Variants in ZNF831 observed in about 807,000 individuals in gnomAD.
ZNF831 encodes zinc finger protein 831, also known as chromosome 20 open reading frame 174.
A neutral mutation model predicts 95.8 loss-of-function variants in ZNF831; 59 were observed. The observed-to-expected ratio is 0.62, with a 90% CI of 0.50 to 0.77. ZNF831 has a LOEUF of 0.77. ZNF831 is among the 30% of genes least tolerant of loss of function. The pLI, the probability that ZNF831 is intolerant of heterozygous loss-of-function variation, is 0.00. For missense variants in ZNF831, 2,205 were observed against 2,164.0 expected, an observed-to-expected ratio of 1.02 and a Z score of -0.38; for synonymous variants, 961 against 925.5, an observed-to-expected ratio of 1.04 and a Z score of -0.70.
At chr20:59,250,786 T>C (rs1015456188) in intron 4 of ZNF831, among the ~76,000 whole-genome samples, 1 of 151,928 alleles carries the variant, frequency 6.6e-6, no homozygotes, top group African/African-American at 2.4e-5. Context: ...AAATAGAAAC[T>C]CATTGGAATA....
Position 59,254,277 on chromosome 20 carries a change from C to T in ZNF831, c.4568C>T (p.Thr1523Ile), listed in dbSNP as rs745846346. The change falls in exon 6 of 6, where the codon ACT becomes ATT. Residue 1523 changes from threonine (T) to isoleucine (I), a missense_variant. Coordinates refer to ENST00000371030, the MANE Select transcript of ZNF831 (RefSeq NM_178457.3). This position sits in a 1 kb window ranked among gnomAD's most constrained non-coding sequence, Gnocchi z 4.5. Reference protein sequence around the residue: ...SRDHSQTAGRTLTSSSPDSKV... With the variant: ...SRDHSQTAGRILTSSSPDSKV... ...GACCACAGCCAGACTGCAGGGAGGA[C>T]TCTGACATCAAGCTCCCCAGACAGC... 4.6e-5 allele frequency: 75 copies of T among 1,613,992 alleles called. No homozygotes were observed. In the South Asian group the frequency reaches 6.1e-4, roughly 13 times the overall value.
In ZNF831 at chr20:59,150,077, C is replaced by T. The variant is rs60627375; in HGVS notation, c.-1281+3703C>T. Among the ~76,000 whole-genome samples the T allele has an allele frequency of 2.0e-3, 301 of 152,344 alleles. 2 individuals carry two copies. The East Asian group carries it at 0.031, about 16-fold the overall frequency. ...CACACATACCCTTTGCCACAGGAAA[C>T]GTGGCCTCACGTTCACAATGGTAAC... On this transcript the variant is annotated intron_variant, in intron 2 of 7. Transcript: ENST00000637017.
intron 1 of ZNF831, among the ~76,000 whole-genome samples, chr20:59,127,928 A>G (rs935242765): frequency 7.9e-5 from 12 of 152,350 alleles, no homozygotes; most frequent in Non-Finnish European, 1.3e-4. Flanking sequence ...GGCAGTGCCC[A>G]TATGGTGTGC....
chr20:59,193,350 GC>G lies in ZNF831; in HGVS notation c.2333del (p.Pro778GlnfsTer29). 6.2e-7 allele frequency: 1 copy of G among 1,610,982 alleles called. No homozygotes were observed. Among genetic ancestry groups the G allele is most frequent in the Non-Finnish European group, 8.5e-7 (1 of 1,178,580 alleles). Reference protein sequence around the residue: ...LKGGDVEAPRPVWPDPKLEGG... With the variant: ...LKGGDVEAPRXVWPDPKLEGG... ...AAGGGGGTGATGTAGAGGCTCCCAG[GC>G]CAGTTTGGCCGGACCCCAAGCTGGA... On this transcript the variant is annotated frameshift_variant, in exon 2 of 6. Coordinates refer to ENST00000371030, the MANE Select transcript of ZNF831 (RefSeq NM_178457.3). LOFTEE classifies it high-confidence loss of function.
Position 59,229,758 on chromosome 20 carries a change from C to A in ZNF831, c.4027+22702C>A, listed in dbSNP as rs542141541. Among the ~76,000 whole-genome samples, 7 of 152,218 alleles carry A rather than the reference C, an allele frequency of 4.6e-5. No individual in the cohort carries two copies. The South Asian group carries it at 1.5e-3, about 32-fold the overall frequency. ...TCTTTTCATTTAATTTTTTGGGTGG[C>A]ATGATCGCAGCAGCAGGGTGAGGCA... On this transcript the variant is annotated intron_variant, in intron 4 of 5. Coordinates refer to ENST00000371030, the MANE Select transcript of ZNF831 (RefSeq NM_178457.3).
rs371324771 is a variant in ZNF831 at position 59,194,673 on chromosome 20, T to G, written c.3654T>G (p.Asp1218Glu). 1.2e-6 allele frequency: 2 copies of G among 1,612,706 alleles called. No individual in the cohort carries two copies. Among genetic ancestry groups the G allele is most frequent in the Non-Finnish European group, 1.7e-6 (2 of 1,179,542 alleles). Residue 1218 changes from aspartate (D) to glutamate (E), a missense_variant, in exon 2 of 6, where the codon GAT becomes GAG. Asp to Glu is a conservative substitution (Grantham distance 45, BLOSUM62 2). Coordinates refer to ENST00000371030, the MANE Select transcript of ZNF831 (RefSeq NM_178457.3). ...ACTTTCCTGGTAGCAGCCTCCGAGA[T>G]GAGGGTCCCAATGGCCCTCCTGGGA... ...AVHFPGSSLR[D>E]EGPNGPPGSN...
chr20:59,165,953 T>C (rs1458936194), intron 1 of ZNF831, among the ~76,000 whole-genome samples: 1 of 152,132 alleles, frequency 6.6e-6, no homozygotes, highest in Non-Finnish European at 1.5e-5. Flanking sequence ...GGTTTCGCCA[T>C]TTTGGCTAGG....
intron 1 of ZNF831, among the ~76,000 whole-genome samples, chr20:59,145,064 T>C (rs1979800498): frequency 6.6e-6 from 1 of 152,228 alleles, no homozygotes; most frequent in Non-Finnish European, 1.5e-5. Context: ...TGAGAAATTA[T>C]CTGTGGATGG....
Position 59,254,172 on chromosome 20 carries a change from C to T in ZNF831, c.4463C>T (p.Thr1488Ile), listed in dbSNP as rs1568800844. 3 of 1,614,018 alleles carry T rather than the reference C, an allele frequency of 1.9e-6. No individual in the cohort carries two copies. Among genetic ancestry groups the T allele is most frequent in the African/African-American group, 1.3e-5 (1 of 74,886 alleles). ...KGTFPHHDIATSVAAVCISLP... is the reference protein window; with the variant it reads ...KGTFPHHDIAISVAAVCISLP... Reference sequence around the variant, plus strand: ...ACTTTTCCCCACCATGACATTGCTACCTCTGTGGCTGCCGTTTGTATTTCT... The same window carrying T: ...ACTTTTCCCCACCATGACATTGCTATCTCTGTGGCTGCCGTTTGTATTTCT... The change falls in exon 6 of 6, where the codon ACC becomes ATC. Residue 1488 changes from threonine (T) to isoleucine (I), a missense_variant. Physicochemically the swap from Thr to Ile is moderately conservative, Grantham distance 89 (BLOSUM62 -1). Transcript: ENST00000371030. This position sits in a 1 kb window ranked among gnomAD's most constrained non-coding sequence, Gnocchi z 4.5.
At position 59,164,188 on chromosome 20, in the gene ZNF831, A is replaced by G. The variant is rs184835842; in HGVS notation, c.-56A>G. ...TGAATCAGAGCATCATTGGCTGAAA[A>G]CACTCCACTGTTTATAAAGGTATGT... On this transcript the variant is annotated 5_prime_UTR_variant, in exon 1 of 6. Transcript: ENST00000371030. Among the ~76,000 whole-genome samples the G allele has an allele frequency of 6.6e-6, 1 of 152,244 alleles. No homozygotes were observed. Among genetic ancestry groups the G allele is most frequent in the East Asian group, 1.9e-4 (1 of 5,184 alleles).
chr20:59,200,534 A>T (rs940998498), intron 3 of ZNF831, among the ~76,000 whole-genome samples: 2 of 151,808 alleles, frequency 1.3e-5, no homozygotes, highest in Admixed American at 1.3e-4. Context: ...AAATTTTGAC[A>T]TATATATATA....
chr20:59,222,949 C>T (rs2146678381), intron 4 of ZNF831, among the ~76,000 whole-genome samples: 1 of 152,314 alleles, frequency 6.6e-6, no homozygotes, highest in African/African-American at 2.4e-5. Context: ...TGCAAATCGG[C>T]TGGGACCCCC....
At chr20:59,230,658 A>G (rs1986673550) in intron 4 of ZNF831, among the ~76,000 whole-genome samples, 1 of 152,220 alleles carries the variant, frequency 6.6e-6, no homozygotes, top group Admixed American at 6.5e-5. Flanking sequence ...CCTGGTCCAG[A>G]TAATTTGCAG....
At chr20:59,159,008 T>C (rs1358313691), upstream of ZNF831, among the ~76,000 whole-genome samples, 1 of 152,228 alleles carries the variant, frequency 6.6e-6, no homozygotes, top group African/African-American at 2.4e-5. Flanking sequence ...GGTGGTGATT[T>C]TTCATATAAC....
intron 1 of ZNF831, among the ~76,000 whole-genome samples, chr20:59,186,629 C>T (rs1379406344): frequency 6.6e-6 from 1 of 152,132 alleles, no homozygotes; most frequent in Non-Finnish European, 1.5e-5. Flanking sequence ...TGGGGAGGTT[C>T]CTGAAATTCT....
rs2146767500 is a variant in ZNF831, at chr20:59,254,302, C to T, written c.4593C>T (p.Ser1531=). The T allele has an allele frequency of 6.2e-7, 1 of 1,614,074 alleles. No individual in the cohort carries two copies. The highest frequency in any genetic ancestry group is 8.5e-7 in the Non-Finnish European group (1 of 1,179,996). ...CTCTGACATCAAGCTCCCCAGACAG[C>T]AAAGTCACAGAAGAGGGCAGAGCAC... is the stretch of plus-strand genomic sequence containing the variant. The part of the protein sequence containing the change: ...GRTLTSSSPD[S]KVTEEGRAQT... The change falls in exon 6 of 6, where the codon AGC becomes AGT. Residue 1531 remains serine (S), a synonymous_variant. Transcript: ENST00000371030. This position sits in a 1 kb window ranked among gnomAD's most constrained non-coding sequence, Gnocchi z 4.5.
chr20:59,176,232 A>G (rs1198395247), intron 1 of ZNF831, among the ~76,000 whole-genome samples: 1 of 152,240 alleles, frequency 6.6e-6, no homozygotes, highest in African/African-American at 2.4e-5. Context: ...AAGCCGCATA[A>G]TATGTGGTTG....
chr20:59,134,279 C>T (rs1006954177), intron 1 of ZNF831, among the ~76,000 whole-genome samples: 16 of 152,182 alleles, frequency 1.1e-4, no homozygotes, highest in African/African-American at 3.1e-4. Flanking sequence ...CCTCTATCCA[C>T]GGTGATCTTG....
At chr20:59,176,484 A>G (rs1036504072) in intron 1 of ZNF831, among the ~76,000 whole-genome samples, 4 of 152,192 alleles carry the variant, frequency 2.6e-5, no homozygotes, top group African/African-American at 9.7e-5. Context: ...AAAAAAATAC[A>G]TCCCATTGAG....
Sources: gnomAD v4.1 joint callset for allele counts (sites outside exome capture counted in the v4.1 genomes callset) on GRCh38, gnomAD v4.1.1 for gene constraint, Gnocchi (gnomAD v3.1) non-coding constraint, MANE v1.5 for transcripts, NCBI Gene and HGNC (gene_info 2026-07-23, HGNC 2026-07-21) for gene names.